MALRD1: variants seen among roughly 807,000 people sequenced by gnomAD.
The protein encoded by MALRD1 is MAM and LDL receptor class A domain containing 1, also known as MAM and LDL-receptor class A domain-containing protein 1.
A neutral mutation model predicts 242.1 loss-of-function variants in MALRD1; 247 were observed. The observed-to-expected ratio is 1.02, with a 90% confidence interval of 0.92 to 1.13. The LOEUF (loss-of-function observed/expected upper bound fraction) is 1.13. MALRD1 is among the 50% of genes most tolerant of loss of function. The probability of loss-of-function intolerance (pLI) is 0.00; values close to 1 mark genes in which losing one functional copy is unlikely to be tolerated. For missense variants in MALRD1, 2,989 were observed against 2,533.1 expected (o/e 1.18, Z -3.86); for synonymous variants, 995 against 866.6 (o/e 1.15, Z -2.60).
chr10:19,161,511 AT>A (rs202079210), intron 12 of MALRD1, among the ~76,000 whole-genome samples: 5,676 of 130,484 alleles, frequency 0.043, 186 homozygotes, highest in Non-Finnish European at 0.056. Context: ...AATAAAAAAA[AT>A]AAATAAATAA....
At chr10:19,218,544 A>G (rs1190035406) in intron 18 of MALRD1, among the ~76,000 whole-genome samples, 1 of 152,110 alleles carries the variant, frequency 6.6e-6, no homozygotes, top group Non-Finnish European at 1.5e-5. Flanking sequence ...TTTCATTTCT[A>G]TCATTAATTT....
chr10:19,517,881 C>T (rs991559153), intron 31 of MALRD1, among the ~76,000 whole-genome samples: 2 of 152,166 alleles, frequency 1.3e-5, no homozygotes, highest in Non-Finnish European at 2.9e-5. Context: ...GAGGTTTCCT[C>T]CACATCCCAC....
At chr10:19,428,824 T>C (rs1441522649) in intron 28 of MALRD1, among the ~76,000 whole-genome samples, 1 of 152,206 alleles carries the variant, frequency 6.6e-6, no homozygotes, top group African/African-American at 2.4e-5. Context: ...CTCTTTTAGA[T>C]TTGCATAAAA....
chr10:19,343,426 G>C (rs1018883484), intron 24 of MALRD1, among the ~76,000 whole-genome samples: 3 of 152,036 alleles, frequency 2.0e-5, no homozygotes, highest in African/African-American at 7.2e-5. Flanking sequence ...TTTGTGTAAA[G>C]CATCATTGCC....
intron 21 of MALRD1, among the ~76,000 whole-genome samples, chr10:19,284,107 TAAG>T (rs1051210793): frequency 6.6e-6 from 1 of 152,234 alleles, no homozygotes; most frequent in Non-Finnish European, 1.5e-5. Flanking sequence ...TGGGGTGGGA[TAAG>T]AAGAGCAGAC....
intron 36 of MALRD1, among the ~76,000 whole-genome samples, chr10:19,651,311 C>A (rs934361210): frequency 6.6e-6 from 1 of 152,104 alleles, no homozygotes; most frequent in Non-Finnish European, 1.5e-5. Flanking sequence ...TAGTTCTTAT[C>A]TAACTTCAGA....
intron 26 of MALRD1, among the ~76,000 whole-genome samples, chr10:19,352,748 G>A (rs1167864967): frequency 6.6e-6 from 1 of 152,156 alleles, no homozygotes; most frequent in Non-Finnish European, 1.5e-5. Context: ...AAACAAAGCA[G>A]ATGATTAAAT....
intron 26 of MALRD1, among the ~76,000 whole-genome samples, chr10:19,384,206 A>G (rs1427270624): frequency 6.8e-6 from 1 of 147,952 alleles, no homozygotes; most frequent in Non-Finnish European, 1.5e-5. Context: ...TTTTTAAATC[A>G]GGTTACCTGA....
At chr10:19,244,031 G>A (rs1838927749) in intron 18 of MALRD1, among the ~76,000 whole-genome samples, 1 of 152,016 alleles carries the variant, frequency 6.6e-6, no homozygotes, top group Admixed American at 6.6e-5. Context: ...ATTAGCCAAA[G>A]GAAGCACTTT....
intron 36 of MALRD1, among the ~76,000 whole-genome samples, chr10:19,683,235 T>G (rs952632665): frequency 1.3e-5 from 2 of 152,110 alleles, no homozygotes; most frequent in African/African-American, 4.8e-5. Flanking sequence ...CTTAACCAAA[T>G]GCTCACAATG....
intron 38 of MALRD1, among the ~76,000 whole-genome samples, chr10:19,693,292 T>C (rs1340572980): frequency 6.6e-6 from 1 of 151,744 alleles, no homozygotes; most frequent in Non-Finnish European, 1.5e-5. Context: ...ATTGTCCCTG[T>C]TTGCAGACGA....
intron 5 of MALRD1, among the ~76,000 whole-genome samples, chr10:19,111,122 G>A (rs1368174487): frequency 6.7e-6 from 1 of 148,748 alleles, no homozygotes; most frequent in Non-Finnish European, 1.5e-5. Flanking sequence ...CTATATACTG[G>A]GACAAAGACC....
At chr10:19,390,850 G>A (rs1207817280) in intron 28 of MALRD1, among the ~76,000 whole-genome samples, 2 of 152,100 alleles carry the variant, frequency 1.3e-5, no homozygotes, top group Admixed American at 6.6e-5. Context: ...AGAAAACTCT[G>A]CCTAATAAAA....
intron 28 of MALRD1, among the ~76,000 whole-genome samples, chr10:19,423,750 G>T (rs1236584341): frequency 6.6e-6 from 1 of 152,126 alleles, no homozygotes; most frequent in African/African-American, 2.4e-5. Context: ...GAAAAGAGAC[G>T]TGTAAAATTG....
chr10:19,514,098 CAATG>C (rs1297958031), intron 31 of MALRD1, among the ~76,000 whole-genome samples: 29 of 152,266 alleles, frequency 1.9e-4, no homozygotes, highest in East Asian at 1.4e-3. Flanking sequence ...CAGAATAAAA[CAATG>C]AACTATCTAC....
chr10:19,405,772 G>T (rs1020331280), intron 28 of MALRD1, among the ~76,000 whole-genome samples: 1 of 152,054 alleles, frequency 6.6e-6, no homozygotes, highest in South Asian at 2.1e-4. Context: ...GGAGCCACAT[G>T]TTCTATTCTT....
At chr10:19,550,820 G>T (rs2131405334) in intron 32 of MALRD1, among the ~76,000 whole-genome samples, 1 of 152,214 alleles carries the variant, frequency 6.6e-6, no homozygotes, top group Non-Finnish European at 1.5e-5. Context: ...CTATGTGTAT[G>T]TCTTTATAAT....
chr10:19,095,730 TA>T (rs1238940408), intron 4 of MALRD1, among the ~76,000 whole-genome samples: 1 of 152,174 alleles, frequency 6.6e-6, no homozygotes, highest in East Asian at 1.9e-4. Context: ...ATAATGTATT[TA>T]ATTTGCTGTG....
chr10:19,647,108 C>T (rs10827734), intron 36 of MALRD1, among the ~76,000 whole-genome samples: 7,161 of 152,258 alleles, frequency 0.047, 223 homozygotes, highest in Middle Eastern at 0.095. Context: ...GAAACGAATG[C>T]ACTTCCCTGG....
Sources: gnomAD v4.1 joint callset for allele counts (sites outside exome capture counted in the v4.1 genomes callset) on GRCh38, gnomAD v4.1.1 for gene constraint, MANE v1.5 for transcripts, NCBI Gene and HGNC (gene_info 2026-07-23, HGNC 2026-07-21) for gene names.